GORASP2: variants seen among roughly 807,000 people sequenced by gnomAD.
GORASP2 encodes Golgi reassembly-stacking protein 2.
In GORASP2, 22 loss-of-function variants were observed where a neutral mutation model predicts 45.7. The ratio of observed to expected loss-of-function variants is 0.48; its 90% CI spans 0.34 to 0.69. The LOEUF is 0.69. GORASP2 is among the 30% of genes least tolerant of loss of function. The pLI is 0.01. For synonymous variants in GORASP2, 221 were observed against 215.6 expected, an observed-to-expected ratio of 1.02 and a Z score of -0.22; for missense variants, 491 against 562.7, an observed-to-expected ratio of 0.87 and a Z score of 1.29.
rs552064603 is a variant in GORASP2, at chr2:170,966,311, A to G, written c.*181A>G. 1.7e-6 allele frequency: 1 copy of G among 604,848 alleles called. No individual in the cohort carries two copies. Among genetic ancestry groups the G allele is most frequent in the East Asian group, 2.8e-5 (1 of 35,934 alleles). 37.5% of individuals were successfully genotyped at this position (604,848 alleles called of 1,614,324 possible). A position where few individuals can be genotyped will look rare whatever the true frequency, so the allele number is the denominator to read the frequency against. On this transcript the variant is annotated 3_prime_UTR_variant, in exon 10 of 10. Coordinates refer to ENST00000234160, the MANE Select transcript of GORASP2 (RefSeq NM_015530.5). ...TCCTGCCAGGTTGAGTGGGGCTCACACGCTAGGGTGAGATGTCAGAAAGCG... is the reference window on the plus strand; with the variant it reads ...TCCTGCCAGGTTGAGTGGGGCTCACGCGCTAGGGTGAGATGTCAGAAAGCG...
chr2:170,949,316 A>G (rs948176206), intron 2 of GORASP2, among the ~76,000 whole-genome samples: 8 of 152,246 alleles, frequency 5.3e-5, no homozygotes, highest in Non-Finnish European at 1.2e-4. Context: ...TCCATAATCC[A>G]TAATGAGCTA....
chr2:170,940,505 A>G (rs561225144), intron 1 of GORASP2, among the ~76,000 whole-genome samples: 1 of 152,314 alleles, frequency 6.6e-6, no homozygotes, highest in African/African-American at 2.4e-5. Flanking sequence ...TTAATCCTGG[A>G]AGAAGAGATG....
chr2:170,958,932 A>G (rs944530908), intron 7 of GORASP2, among the ~76,000 whole-genome samples: 5 of 151,944 alleles, frequency 3.3e-5, no homozygotes, highest in African/African-American at 7.3e-5. Flanking sequence ...TGCTGCCCCA[A>G]GTGCTGGGAT....
chr2:170,954,746 T>C lies in GORASP2; in HGVS notation c.663T>C (p.Gly221=). ...TTTCTCTTCCAGGACAAATGGCTGGTACACCTATTACACCTCTTAAAGATG... is the reference window on the plus strand; with the variant it reads ...TTTCTCTTCCAGGACAAATGGCTGGCACACCTATTACACCTCTTAAAGATG... ...KKISLPGQMA[G]TPITPLKDGF... Residue 221 remains glycine (G), a synonymous_variant, in exon 6 of 10, where the codon GGT becomes GGC. Coordinates refer to ENST00000234160, the MANE Select transcript of GORASP2 (RefSeq NM_015530.5). 6.2e-7 allele frequency: 1 copy of C among 1,613,576 alleles called. No individual in the cohort carries two copies. The highest frequency in any genetic ancestry group is 8.5e-7 in the Non-Finnish European group (1 of 1,179,508).
chr2:170,944,087 A>C (rs937152301), intron 1 of GORASP2, among the ~76,000 whole-genome samples: 2 of 152,228 alleles, frequency 1.3e-5, no homozygotes, highest in African/African-American at 4.8e-5. Context: ...ACTTTTAGTT[A>C]AGATGACTTG....
At chr2:170,940,370 C>T (rs556770003) in intron 1 of GORASP2, among the ~76,000 whole-genome samples, 29 of 152,306 alleles carry the variant, frequency 1.9e-4, no homozygotes, top group African/African-American at 7.0e-4. Context: ...TGACACCCAA[C>T]TCCACCCAAA....
intron 5 of GORASP2, among the ~76,000 whole-genome samples, chr2:170,952,283 A>C (rs929164476): frequency 6.6e-6 from 1 of 152,190 alleles, no homozygotes; most frequent in African/African-American, 2.4e-5. Flanking sequence ...TTCATTTTTA[A>C]TTATGTTAAC....
At chr2:170,955,677 C>T (rs915057790) in intron 6 of GORASP2, among the ~76,000 whole-genome samples, 2 of 152,182 alleles carry the variant, frequency 1.3e-5, no homozygotes, top group African/African-American at 4.8e-5. Flanking sequence ...TGGCTCATGG[C>T]CAGAGCCAAT....
intron 1 of GORASP2, chr2:170,936,543 G>A: frequency 7.4e-6 from 6 of 810,110 alleles, no homozygotes; most frequent in Non-Finnish European, 1.1e-5. Context: ...TTGAGAGACT[G>A]TACATTTCCC....
chr2:170,963,989 C>T (rs930746812), intron 9 of GORASP2, among the ~76,000 whole-genome samples: 2 of 152,066 alleles, frequency 1.3e-5, no homozygotes, highest in African/African-American at 2.4e-5. Flanking sequence ...AAAAAACAAA[C>T]GTGAATATTC....
intron 1 of GORASP2, among the ~76,000 whole-genome samples, chr2:170,930,864 A>G (rs1186293847): frequency 2.0e-5 from 3 of 151,976 alleles, no homozygotes; most frequent in Non-Finnish European, 4.4e-5. Context: ...CAGTATTACC[A>G]GCTGTTTCTC....
intron 1 of GORASP2, chr2:170,936,608 T>A: frequency 7.8e-7 from 1 of 1,289,924 alleles, no homozygotes; most frequent in South Asian, 1.2e-5. Flanking sequence ...TCTGGGGTTT[T>A]GTTCTCTCTT....
intron 6 of GORASP2, among the ~76,000 whole-genome samples, chr2:170,955,655 C>T (rs937896385): frequency 1.3e-5 from 2 of 152,230 alleles, no homozygotes; most frequent in African/African-American, 4.8e-5. Flanking sequence ...TGGGAAGTTT[C>T]ACCTCCAACA....
chr2:170,950,834 T>C (rs1402212126), intron 4 of GORASP2, among the ~76,000 whole-genome samples: 1 of 151,980 alleles, frequency 6.6e-6, no homozygotes, highest in Non-Finnish European at 1.5e-5. Flanking sequence ...ATACAAAAAT[T>C]AGCCAGGCAT....
At chr2:170,936,531 C>A (rs182637718) in intron 1 of GORASP2, 7 of 704,400 alleles carry the variant, frequency 9.9e-6, no homozygotes, top group African/African-American at 9.2e-5. Context: ...TAAGTAGTTA[C>A]TTTGAGAGAC....
intron 1 of GORASP2, 87 bp downstream of exon 1, chr2:170,929,490 G>A (rs1205694653): frequency 5.7e-6 from 6 of 1,046,416 alleles, no homozygotes; most frequent in Non-Finnish European, 2.6e-6. Flanking sequence ...GCTCCTTCAC[G>A]GGGCAGCCAG....
chr2:170,936,599 C>G lies in GORASP2; in HGVS notation c.63+7196C>G, dbSNP rs973099305. The G allele has an allele frequency of 3.1e-6, 4 of 1,276,788 alleles. No homozygotes were observed. The African/African-American group carries it at 6.1e-5, about 20-fold the overall frequency. 79.1% of individuals were successfully genotyped at this position (1,276,788 alleles called of 1,614,324 possible). A position where few individuals can be genotyped will look rare whatever the true frequency, so the allele number is the denominator to read the frequency against. The stretch of plus-strand genomic sequence containing the variant: ...TTACTGTAGCATGAAGATAATTATT[C>G]TGGGGTTTTGTTCTCTCTTTTAAGC... On this transcript the variant is annotated intron_variant, in intron 1 of 9. Coordinates refer to ENST00000234160, the MANE Select transcript of GORASP2 (RefSeq NM_015530.5).
intron 1 of GORASP2, among the ~76,000 whole-genome samples, chr2:170,943,845 TA>T (rs1224544349): frequency 1.3e-5 from 2 of 152,070 alleles, no homozygotes; most frequent in Non-Finnish European, 2.9e-5. Context: ...GCTAATTTTT[TA>T]AAAAATTTTT....
At chr2:170,963,389 AAAGCTT>A (rs1289558173) in intron 9 of GORASP2, among the ~76,000 whole-genome samples, 1 of 150,816 alleles carries the variant, frequency 6.6e-6, no homozygotes, top group Non-Finnish European at 1.5e-5. Flanking sequence ...AAAAAAAAAA[AAAGCTT>A]AAGAGGAAAG....
Sources: gnomAD v4.1 joint callset for allele counts (sites outside exome capture counted in the v4.1 genomes callset) on GRCh38, gnomAD v4.1.1 for gene constraint, MANE v1.5 for transcripts, NCBI Gene and HGNC (gene_info 2026-07-23, HGNC 2026-07-21) for gene names.